Variants in LIPF observed in about 807,000 individuals in gnomAD.
The protein encoded by LIPF is gastric triacylglycerol lipase.
In LIPF, 25 loss-of-function variants were observed where a neutral mutation model predicts 38.0. The observed-to-expected ratio is 0.66, with a 90% confidence interval of 0.48 to 0.92. The LOEUF is 0.92. Among genes scored for constraint, LIPF ranks in the 40% least tolerant of loss-of-function variants. The pLI is 0.00. For synonymous variants in LIPF, 161 were observed against 156.2 expected (o/e 1.03, Z -0.23); for missense variants, 410 against 469.9 (o/e 0.87, Z 1.18).
Position 88,678,588 on chromosome 10 carries a change from T to C in LIPF, c.1104T>C (p.Pro368=). The C allele has an allele frequency of 6.2e-7, 1 of 1,614,016 alleles. No homozygotes were observed. Among genetic ancestry groups the C allele is most frequent in the South Asian group, 1.1e-5 (1 of 91,080 alleles). The part of the protein sequence containing the change: ...LPNLIYHKEI[P]FYNHLDFIWA... Reference sequence around the variant, plus strand: ...ATCTTATTTACCACAAGGAGATTCCTTTTTACAATCACTTGGACTTTATCT... The same window carrying C: ...ATCTTATTTACCACAAGGAGATTCCCTTTTACAATCACTTGGACTTTATCT... The change falls in exon 10 of 10, where the codon CCT becomes CCC. Residue 368 remains proline (P), a synonymous_variant. Transcript: ENST00000238983.
intron 5 of LIPF, 147 bp downstream of exon 5, chr10:88,670,093 C>T (rs1841572412): frequency 4.7e-6 from 3 of 634,054 alleles, no homozygotes; most frequent in African/African-American, 1.8e-5. Context: ...ATTATAATTC[C>T]TATTATATGG....
At position 88,667,599 on chromosome 10, in the gene LIPF, A is replaced by G; in HGVS notation, c.136A>G (p.Asn46Asp). 1.9e-6 allele frequency: 3 copies of G among 1,600,468 alleles called. No homozygotes were observed. Among genetic ancestry groups the G allele is most frequent in the Non-Finnish European group, 2.6e-6 (3 of 1,168,596 alleles). Residue 46 changes from asparagine (N) to aspartate (D), a missense_variant, in exon 3 of 10, where the codon AAT becomes GAT. By Grantham distance (23) the Asn-to-Asp change is conservative (BLOSUM62 1). Coordinates refer to ENST00000238983, the MANE Select transcript of LIPF (RefSeq NM_004190.4). ...SQMITYWGYPNEEYEVVTEDG... is the reference protein window; with the variant it reads ...SQMITYWGYPDEEYEVVTEDG... ...GATGATTACTTATTGGGGATACCCA[A>G]ATGAAGAATATGAAGTTGTGACTGA...
At chr10:88,665,428 TACAGCAC>T (rs1382032633) in intron 1 of LIPF, 2 of 773,098 alleles carry the variant, frequency 2.6e-6, no homozygotes, top group African/African-American at 3.4e-5. Context: ...GAACACACAG[TACAGCAC>T]ACAGTGAGTC....
intron 1 of LIPF, among the ~76,000 whole-genome samples, chr10:88,665,271 C>T (rs974248166): frequency 1.3e-5 from 2 of 152,138 alleles, no homozygotes; most frequent in African/African-American, 2.4e-5. Context: ...ATTTAACTAA[C>T]GTTTATGAGA....
In LIPF at chr10:88,671,820, C is replaced by G; in HGVS notation, c.533-9C>G. ...ACACCTTTTTCACCAGTTCCTTGTT[C>G]TTTTTCAGGTTTTATTGCCTTTTCC... On this transcript the variant is annotated splice_polypyrimidine_tract_variant and intron_variant, in intron 5 of 9. Coordinates refer to ENST00000238983, the MANE Select transcript of LIPF (RefSeq NM_004190.4). 6.2e-7 allele frequency: 1 copy of G among 1,607,464 alleles called. No homozygotes were observed.
chr10:88,666,944 A>G (rs1841520258), intron 1 of LIPF, among the ~76,000 whole-genome samples: 1 of 152,098 alleles, frequency 6.6e-6, no homozygotes, highest in Admixed American at 6.5e-5. Context: ...CTTAAACACA[A>G]AGCATAATAA....
chr10:88,667,834 T>A (rs1381716155), intron 3 of LIPF, 148 bp downstream of exon 3: 1 of 569,354 alleles, frequency 1.8e-6, no homozygotes, highest in African/African-American at 1.9e-5. Flanking sequence ...AAATGTAATG[T>A]CTTGCTCATT....
At position 88,673,717 on chromosome 10, in the gene LIPF, A is replaced by C; in HGVS notation, c.799A>C (p.Ser267Arg). The C allele has an allele frequency of 6.2e-7, 1 of 1,612,978 alleles. No homozygotes were observed. ...CTTATTTATAATTTGTGGATTTGACAGTAAGAACTTTAACACGGTTAGTAT... is the reference window on the plus strand; with the variant it reads ...CTTATTTATAATTTGTGGATTTGACCGTAAGAACTTTAACACGGTTAGTAT... ...NALFIICGFD[S>R]KNFNTSRLDV... Residue 267 changes from serine to arginine, a missense_variant, in exon 7 of 10, where the codon AGT (serine) becomes CGT (arginine). Ser to Arg is a moderately radical substitution (Grantham distance 110). Coordinates refer to ENST00000238983, the MANE Select transcript of LIPF (RefSeq NM_004190.4).
rs1841603239 is a variant in LIPF at position 88,671,910 on chromosome 10, A to G, written c.614A>G (p.Lys205Arg). ...FYALAPVATV[K>R]YTKSLINKLR... Reference sequence around the variant, plus strand: ...GCTCTAGCTCCTGTTGCCACTGTGAAGTATACAAAAAGCCTTATAAACAAA... The same window carrying G: ...GCTCTAGCTCCTGTTGCCACTGTGAGGTATACAAAAAGCCTTATAAACAAA... Residue 205 changes from lysine (K) to arginine (R), a missense_variant, in exon 6 of 10, where the codon AAG becomes AGG. Transcript: ENST00000238983. 6.2e-7 allele frequency: 1 copy of G among 1,613,546 alleles called. No homozygotes were observed. Among genetic ancestry groups the G allele is most frequent in the African/African-American group, 1.3e-5 (1 of 75,044 alleles).
intron 9 of LIPF, among the ~76,000 whole-genome samples, chr10:88,678,100 C>T (rs1841715287): frequency 6.6e-6 from 1 of 152,188 alleles, no homozygotes; most frequent in South Asian, 2.1e-4. Flanking sequence ...ATTTGTAAGA[C>T]TTACTGTCCA....
intron 3 of LIPF, among the ~76,000 whole-genome samples, chr10:88,668,102 G>T (rs550410700): frequency 4.1e-4 from 62 of 152,154 alleles, no homozygotes; most frequent in African/African-American, 1.2e-3. Context: ...GTTGCAGAGG[G>T]GAAGATGGGG....
chr10:88,668,993 A>C, intron 4 of LIPF: 1 of 453,944 alleles, frequency 2.2e-6, no homozygotes, highest in Non-Finnish European at 4.0e-6. Context: ...GATTTTCCAA[A>C]TGGAATGAAC....
Position 88,668,658 on chromosome 10 carries a change from T to C in LIPF, c.324T>C (p.Asp108=), listed in dbSNP as rs1841550185. 2 of 1,614,200 alleles carry C rather than the reference T, an allele frequency of 1.2e-6. No homozygotes were observed. Among genetic ancestry groups the C allele is most frequent in the Non-Finnish European group, 1.7e-6 (2 of 1,180,008 alleles). ...ACAGCCTTGCCTTCATTCTGGCAGA[T>C]GCTGGTTATGATGTGTGGCTGGGCA... is the stretch of plus-strand genomic sequence containing the variant. ...PNNSLAFILA[D]AGYDVWLGNS... The change falls in exon 4 of 10, where the codon GAT becomes GAC. Residue 108 remains aspartate, a synonymous_variant. Coordinates refer to ENST00000238983, the MANE Select transcript of LIPF (RefSeq NM_004190.4).
Position 88,675,583 on chromosome 10 carries a change from TAG to T in LIPF, c.817_818del. The T allele has an allele frequency of 6.2e-7, 1 of 1,604,682 alleles. No homozygotes were observed. Among genetic ancestry groups the T allele is most frequent in the Non-Finnish European group, 8.5e-7 (1 of 1,171,692 alleles). On this transcript the variant is annotated splice_acceptor_variant, in intron 7 of 9. Coordinates refer to ENST00000238983, the MANE Select transcript of LIPF (RefSeq NM_004190.4). LOFTEE classifies it high-confidence loss of function. ...TATAATATGTGTGTCTGTTGATTTCTAGAGTCGCTTGGATGTGTATCTATCAC... is the reference window on the plus strand; with the variant it reads ...TATAATATGTGTGTCTGTTGATTTCTAGTCGCTTGGATGTGTATCTATCAC...
chr10:88,671,555 G>A (rs1416581507), intron 5 of LIPF, among the ~76,000 whole-genome samples: 1 of 151,912 alleles, frequency 6.6e-6, no homozygotes, highest in Non-Finnish European at 1.5e-5. Flanking sequence ...GTAACCATAT[G>A]AGTATCCTAA....
intron 5 of LIPF, among the ~76,000 whole-genome samples, chr10:88,671,048 G>C (rs1348583509): frequency 1.3e-5 from 2 of 152,086 alleles, no homozygotes; most frequent in East Asian, 3.9e-4. Flanking sequence ...TTGACAGTGG[G>C]AGGGCCTTGC....
intron 6 of LIPF, among the ~76,000 whole-genome samples, chr10:88,672,302 A>C (rs1841611628): frequency 6.6e-6 from 1 of 152,214 alleles, no homozygotes; most frequent in African/African-American, 2.4e-5. Context: ...AATAAAAACA[A>C]AACAAAATAG....
intron 2 of LIPF, 24 bp downstream of exon 2, chr10:88,667,426 C>T: frequency 3.0e-6 from 4 of 1,342,326 alleles, no homozygotes; most frequent in Non-Finnish European, 4.2e-6. Context: ...GGGAAAAACT[C>T]TATAAAACTA....
At position 88,676,971 on chromosome 10, in the gene LIPF, G is replaced by A. The variant is rs17333949; in HGVS notation, c.960+691G>A. 7.2e-3 allele frequency among the ~76,000 whole-genome samples: 1,096 copies of A among 152,218 alleles called. 6 individuals are homozygous for A. Among genetic ancestry groups the A allele is most frequent in the Middle Eastern group, 0.027 (8 of 294 alleles). On this transcript the variant is annotated intron_variant, in intron 9 of 9. Transcript: ENST00000238983. The stretch of plus-strand genomic sequence containing the variant: ...AGCTCTTAGCTCAGGGTAAGCTCTC[G>A]GGTTATCACTGACTATTTTTGAACA...
Sources: allele counts gnomAD v4.1 joint callset (sites outside exome capture counted in the v4.1 genomes callset), GRCh38; gene constraint gnomAD v4.1.1; transcripts MANE v1.5; gene names NCBI Gene and HGNC (gene_info 2026-07-23, HGNC 2026-07-21).